Variants in PTPRN2 observed in about 807,000 individuals in gnomAD.
PTPRN2 encodes the protein receptor-type tyrosine-protein phosphatase N2.
PTPRN2 carries 74 observed loss-of-function variants against 118.8 expected under a neutral mutation model. That is an observed-to-expected ratio of 0.62 (90% CI 0.52 to 0.76). PTPRN2 has a LOEUF of 0.76. PTPRN2 is among the 30% of genes least tolerant of loss of function. The pLI, the probability that PTPRN2 is intolerant of heterozygous loss-of-function variation, is 0.00. For synonymous variants in PTPRN2, 641 were observed against 608.0 expected, an observed-to-expected ratio of 1.05 and a Z score of -0.80; for missense variants, 1,481 against 1,394.4, an observed-to-expected ratio of 1.06 and a Z score of -0.99.
chr7:158,578,326 T>C (rs1828446731), intron 1 of PTPRN2, among the ~76,000 whole-genome samples: 2 of 151,002 alleles, frequency 1.3e-5, no homozygotes, highest in Admixed American at 6.6e-5. Context: ...TGGTGGCTCA[T>C]GCCTATAATC....
chr7:158,505,974 A>G (rs923075095), intron 1 of PTPRN2, among the ~76,000 whole-genome samples: 2 of 152,208 alleles, frequency 1.3e-5, no homozygotes, highest in Non-Finnish European at 2.9e-5. Flanking sequence ...CAGGAAGCAC[A>G]GAGCCCACCG....
intron 11 of PTPRN2, chr7:158,029,855 C>T (rs1351112191): frequency 6.6e-6 from 1 of 152,176 alleles, no homozygotes; most frequent in East Asian, 1.9e-4. Flanking sequence ...CCCATCCACA[C>T]AGCAAACATA....
rs1047326278 is a variant in PTPRN2, at chr7:157,622,749, A to G, written c.2197-1240T>C. Among the ~76,000 whole-genome samples the G allele has an allele frequency of 6.6e-6, 1 of 151,858 alleles. No individual in the cohort carries two copies. Among genetic ancestry groups the G allele is most frequent in the Admixed American group, 6.5e-5 (1 of 15,268 alleles). On this transcript the variant is annotated intron_variant, in intron 14 of 22. Transcript: ENST00000389418. The surrounding 1 kb of genome is among the most constrained non-coding windows in gnomAD (Gnocchi z 5.3). ...GACAATCGCCTGGCTCAGGGTGGGC[A>G]CTCTAAGGCCGTCTGTTGGGAGGTC...
intron 2 of PTPRN2, among the ~76,000 whole-genome samples, chr7:158,371,417 T>G (rs1043030298): frequency 6.6e-6 from 1 of 152,180 alleles, no homozygotes; most frequent in African/African-American, 2.4e-5. Flanking sequence ...TATATCCTTA[T>G]GTTTTATTTG....
chr7:157,612,722 A>C (rs949482156), intron 15 of PTPRN2, among the ~76,000 whole-genome samples: 2 of 152,194 alleles, frequency 1.3e-5, no homozygotes, highest in African/African-American at 4.8e-5. Context: ...GGGAACCTAC[A>C]CATTAGCTCC....
intron 2 of PTPRN2, among the ~76,000 whole-genome samples, chr7:158,394,419 T>C (rs1216649122): frequency 1.3e-5 from 2 of 152,186 alleles, no homozygotes; most frequent in African/African-American, 4.8e-5. Flanking sequence ...GGAACACCTG[T>C]GGAACTGCTG....
At chr7:158,119,646 C>G (rs942315590) in intron 9 of PTPRN2, among the ~76,000 whole-genome samples, 1 of 151,832 alleles carries the variant, frequency 6.6e-6, no homozygotes, top group Non-Finnish European at 1.5e-5. Flanking sequence ...ACCATATTTA[C>G]ACAACTTCTA....
intron 3 of PTPRN2, among the ~76,000 whole-genome samples, chr7:158,246,820 C>T (rs369298984): frequency 1.3e-5 from 2 of 151,974 alleles, no homozygotes; most frequent in South Asian, 2.1e-4. Context: ...GTGGTCATGC[C>T]GGAATCCACT....
intron 2 of PTPRN2, among the ~76,000 whole-genome samples, chr7:158,420,484 T>G (rs761541269): frequency 2.0e-5 from 3 of 152,224 alleles, no homozygotes; most frequent in Non-Finnish European, 4.4e-5. Context: ...TTCCTTCTTC[T>G]TCACCAAAAG....
intron 3 of PTPRN2, among the ~76,000 whole-genome samples, chr7:158,262,215 C>A (rs1182556689): frequency 2.6e-5 from 4 of 152,208 alleles, no homozygotes; most frequent in African/African-American, 7.2e-5. Flanking sequence ...CAGACACAAG[C>A]ATACACACTT....
intron 13 of PTPRN2, among the ~76,000 whole-genome samples, chr7:157,670,866 T>C (rs1284038146): frequency 6.6e-6 from 1 of 152,236 alleles, no homozygotes; most frequent in Non-Finnish European, 1.5e-5. Flanking sequence ...GTCATCCGCC[T>C]TCAGAGCAGC....
intron 12 of PTPRN2, among the ~76,000 whole-genome samples, chr7:157,894,803 G>A (rs1797006473): frequency 6.6e-6 from 1 of 152,190 alleles, no homozygotes; most frequent in Admixed American, 6.5e-5. Context: ...CCTACCAGCT[G>A]GGGAAGTGGG....
chr7:158,275,319 G>A (rs545688092), intron 3 of PTPRN2, among the ~76,000 whole-genome samples: 161 of 152,280 alleles, frequency 1.1e-3, no homozygotes, highest in African/African-American at 3.3e-3. Flanking sequence ...ATGGGAAGGC[G>A]CGCACCTCCT....
chr7:158,049,707 C>T (rs1366578769), intron 11 of PTPRN2, among the ~76,000 whole-genome samples: 1 of 152,180 alleles, frequency 6.6e-6, no homozygotes, highest in Non-Finnish European at 1.5e-5. Flanking sequence ...TCAAGACCAG[C>T]CTGGCCAACA....
intron 2 of PTPRN2, among the ~76,000 whole-genome samples, chr7:158,324,993 T>C (rs1803370446): frequency 6.6e-6 from 1 of 151,600 alleles, no homozygotes; most frequent in Non-Finnish European, 1.5e-5. Flanking sequence ...CTGAGAAACG[T>C]CACTCACTGC....
intron 11 of PTPRN2, among the ~76,000 whole-genome samples, chr7:158,040,398 TCACACA>T (rs61036927): frequency 1.4e-5 from 2 of 148,142 alleles, no homozygotes; most frequent in African/African-American, 2.5e-5. Flanking sequence ...TGCACACACT[TCACACA>T]CACACACACA....
chr7:158,357,146 G>A (rs1475202465), intron 2 of PTPRN2, among the ~76,000 whole-genome samples: 2 of 152,220 alleles, frequency 1.3e-5, no homozygotes, highest in East Asian at 1.9e-4. Context: ...AAGAGGAACC[G>A]GACGAATGAT....
intron 2 of PTPRN2, among the ~76,000 whole-genome samples, chr7:158,324,438 A>G (rs912015572): frequency 3.9e-5 from 6 of 152,126 alleles, no homozygotes; most frequent in Non-Finnish European, 8.8e-5. Flanking sequence ...TCTCACATAG[A>G]TTTACAAGTC....
intron 2 of PTPRN2, among the ~76,000 whole-genome samples, chr7:158,470,413 G>A (rs181871965): frequency 1.3e-5 from 2 of 152,092 alleles, no homozygotes; most frequent in African/African-American, 2.4e-5. Flanking sequence ...TCAACACAGC[G>A]CTGCCTTCTC....
Sources: gnomAD v4.1 joint callset for allele counts (sites outside exome capture counted in the v4.1 genomes callset) on GRCh38, gnomAD v4.1.1 for gene constraint, Gnocchi (gnomAD v3.1) non-coding constraint, MANE v1.5 for transcripts, NCBI Gene and HGNC (gene_info 2026-07-23, HGNC 2026-07-21) for gene names.